ATP2B1: variants seen among roughly 807,000 people sequenced by gnomAD.
ATP2B1 encodes the protein ATPase plasma membrane Ca2+ transporting 1, also known as plasma membrane calcium-transporting ATPase 1.
A neutral mutation model predicts 124.2 loss-of-function variants in ATP2B1; 14 were observed. The ratio of observed to expected loss-of-function variants is 0.11; its 90% CI spans 0.07 to 0.18. The LOEUF is 0.18. Among genes scored for constraint, ATP2B1 ranks in the 10% least tolerant of loss-of-function variants. ATP2B1 has a pLI of 1.00. For missense variants in ATP2B1, 763 were observed against 1,466.1 expected (o/e 0.52, Z 7.83); for synonymous variants, 449 against 492.4 (o/e 0.91, Z 1.17).
intron 5 of ATP2B1, among the ~76,000 whole-genome samples, chr12:89,634,260 A>C (rs751512692): frequency 3.9e-5 from 6 of 152,174 alleles, no homozygotes; most frequent in Non-Finnish European, 7.4e-5. Context: ...TAATCATATA[A>C]TACTAAATAG....
intron 2 of ATP2B1, among the ~76,000 whole-genome samples, 186 bp from the exon 3 acceptor site, chr12:89,642,541 G>T (rs1445261487): frequency 6.6e-6 from 1 of 152,154 alleles, no homozygotes; most frequent in African/African-American, 2.4e-5. Flanking sequence ...ACTTTAAGTA[G>T]ATCAGTTAGG....
intron 9 of ATP2B1, among the ~76,000 whole-genome samples, chr12:89,622,363 C>T (rs1880137618): frequency 6.6e-6 from 1 of 151,762 alleles, no homozygotes; most frequent in Admixed American, 6.6e-5. Context: ...CATTTTTTAG[C>T]TATTCTATAT....
At chr12:89,611,400 A>G (rs1565816248) in intron 12 of ATP2B1, 28 bp from the exon 13 acceptor site, 4 of 1,481,652 alleles carry the variant, frequency 2.7e-6, no homozygotes, top group African/African-American at 2.9e-5. Flanking sequence ...AAAAAATTAC[A>G]AAGTTAATTT....
chr12:89,633,273 G>A (rs1473510079), intron 5 of ATP2B1, among the ~76,000 whole-genome samples: 1 of 151,812 alleles, frequency 6.6e-6, no homozygotes, highest in East Asian at 1.9e-4. Flanking sequence ...AATCCAAACA[G>A]GGTGTGAATG....
At chr12:89,610,661 T>G (rs937296181) in intron 13 of ATP2B1, 153 bp from the exon 14 acceptor site, 9 of 640,602 alleles carry the variant, frequency 1.4e-5, no homozygotes, top group East Asian at 2.7e-5. Context: ...TTCTTGGGCA[T>G]GGACCCAGAT....
intron 1 of ATP2B1, among the ~76,000 whole-genome samples, chr12:89,707,447 T>C (rs1051733080): frequency 6.6e-5 from 10 of 152,102 alleles, no homozygotes; most frequent in African/African-American, 1.4e-4. Context: ...TGCATATACC[T>C]ACACACGTAT....
intron 20 of ATP2B1, chr12:89,594,637 C>A (rs1874229598): frequency 6.9e-6 from 1 of 144,458 alleles, no homozygotes; most frequent in African/African-American, 2.5e-5. Context: ...ATATGGTAAA[C>A]AAAAAAACTG....
chr12:89,620,067 A>G lies in ATP2B1; in HGVS notation c.1761T>C (p.Thr587=). The change falls in exon 11 of 21, where the codon ACT becomes ACC. Residue 587 remains threonine, a synonymous_variant. Transcript: ENST00000428670. ...AACTTCCATCTGAATTTTTCAGGAC[A>G]GTACTCATGGACTTCCTAACAGAAT... ...TFNSVRKSMS[T]VLKNSDGSYR... The G allele has an allele frequency of 6.2e-7, 1 of 1,614,118 alleles. No individual in the cohort carries two copies. Among genetic ancestry groups the G allele is most frequent in the Non-Finnish European group, 8.5e-7 (1 of 1,179,986 alleles).
chr12:89,701,263 A>T (rs917297197), intron 1 of ATP2B1, among the ~76,000 whole-genome samples: 1 of 152,140 alleles, frequency 6.6e-6, no homozygotes, highest in African/African-American at 2.4e-5. Context: ...AAAACTCAGC[A>T]TTACTCCACC....
At chr12:89,642,002 GA>G in intron 3 of ATP2B1, 155 bp downstream of exon 3, 1 of 736,082 alleles carries the variant, frequency 1.4e-6, no homozygotes, top group Non-Finnish European at 2.2e-6. Flanking sequence ...GGGTTACTGT[GA>G]AAGTTATCTG....
intron 1 of ATP2B1, among the ~76,000 whole-genome samples, chr12:89,659,374 ACAC>A (rs1411826891): frequency 6.6e-6 from 1 of 151,974 alleles, no homozygotes; most frequent in Non-Finnish European, 1.5e-5. Context: ...ACACACACAC[ACAC>A]ACACACGCAC....
chr12:89,597,360 T>TCA (rs1874821867), intron 20 of ATP2B1, among the ~76,000 whole-genome samples: 1 of 152,104 alleles, frequency 6.6e-6, no homozygotes, highest in African/African-American at 2.4e-5. Context: ...TGTTAGCGAG[T>TCA]CACTTGGAAC....
chr12:89,703,830 C>T (rs1365696020), intron 1 of ATP2B1, among the ~76,000 whole-genome samples: 1 of 152,110 alleles, frequency 6.6e-6, no homozygotes, highest in African/African-American at 2.4e-5. Flanking sequence ...GGTATCTCTA[C>T]CATGTAACTT....
chr12:89,635,553 T>C (rs1182724405), intron 3 of ATP2B1, among the ~76,000 whole-genome samples: 1 of 152,096 alleles, frequency 6.6e-6, no homozygotes, highest in Admixed American at 6.6e-5. Flanking sequence ...TGAGACTTGG[T>C]TTCTTCATCG....
intron 1 of ATP2B1, among the ~76,000 whole-genome samples, chr12:89,705,518 A>G (rs546708179): frequency 1.3e-5 from 2 of 152,278 alleles, no homozygotes; most frequent in Admixed American, 6.5e-5. Flanking sequence ...ATTTTGTTCA[A>G]TATTACAGAA....
chr12:89,605,979 A>G (rs1876774583), intron 15 of ATP2B1, among the ~76,000 whole-genome samples: 1 of 152,236 alleles, frequency 6.6e-6, no homozygotes. Context: ...AACAAACCAA[A>G]TAAAAATTAA....
At chr12:89,607,683 AT>A (rs1251254402) in intron 15 of ATP2B1, among the ~76,000 whole-genome samples, 1 of 152,160 alleles carries the variant, frequency 6.6e-6, no homozygotes, top group African/African-American at 2.4e-5. Context: ...TGGTTAACTA[AT>A]TTTTGGCAAG....
intron 19 of ATP2B1, among the ~76,000 whole-genome samples, chr12:89,600,709 C>A (rs866349222): frequency 7.4e-5 from 11 of 149,374 alleles, no homozygotes; most frequent in Non-Finnish European, 1.3e-4. Flanking sequence ...AGTGCAATGG[C>A]GCGATCTTGG....
chr12:89,608,562 A>T (rs948503014), intron 15 of ATP2B1, among the ~76,000 whole-genome samples: 1 of 152,020 alleles, frequency 6.6e-6, no homozygotes, highest in South Asian at 2.1e-4. Flanking sequence ...TGAAGAGCTT[A>T]AAAAACACTA....
Sources: gnomAD v4.1 joint callset for allele counts (sites outside exome capture counted in the v4.1 genomes callset) on GRCh38, gnomAD v4.1.1 for gene constraint, MANE v1.5 for transcripts, NCBI Gene and HGNC (gene_info 2026-07-23, HGNC 2026-07-21) for gene names.